The following SCMH1 variants were observed in gnomAD, a reference collection of about 807,000 sequenced individuals.
The protein encoded by SCMH1 is polycomb protein SCMH1.
Under a neutral mutation model 70.8 loss-of-function variants are expected in SCMH1, and 37 were observed. The ratio of observed to expected loss-of-function variants is 0.52; its 90% CI spans 0.40 to 0.69. The LOEUF (loss-of-function observed/expected upper bound fraction) is 0.69. SCMH1 is among the 30% of genes least tolerant of loss of function. The pLI is 0.00. For missense variants in SCMH1, 607 were observed against 827.3 expected (o/e 0.73, Z 3.27); for synonymous variants, 292 against 307.4 (o/e 0.95, Z 0.52).
intron 2 of SCMH1, among the ~76,000 whole-genome samples, chr1:41,163,761 C>A (rs1268858792): frequency 2.0e-5 from 3 of 152,024 alleles, no homozygotes; most frequent in African/African-American, 7.2e-5. Context: ...TTGTTTAAGC[C>A]ACCTAGTCCA....
intron 6 of SCMH1, among the ~76,000 whole-genome samples, chr1:41,123,427 T>C (rs1210433051): frequency 6.6e-6 from 1 of 152,178 alleles, no homozygotes; most frequent in East Asian, 1.9e-4. Context: ...CGTGACTCAC[T>C]TGACTAGGGG....
At chr1:41,034,160 A>G in intron 13 of SCMH1, 112 bp from the exon 14 acceptor site, 4 of 1,415,360 alleles carry the variant, frequency 2.8e-6, no homozygotes, top group Non-Finnish European at 2.8e-6. Flanking sequence ...AAAGCAAGGG[A>G]GCCGAGGCTA....
chr1:41,151,706 A>G (rs372187125), intron 4 of SCMH1, 22 bp from the exon 5 acceptor site: 13 of 1,562,400 alleles, frequency 8.3e-6, no homozygotes, highest in African/African-American at 4.1e-5. Context: ...ATAGAAATCT[A>G]TATCACAGTC....
At chr1:41,092,156 T>C (rs538771269) in intron 8 of SCMH1, among the ~76,000 whole-genome samples, 1 of 152,296 alleles carries the variant, frequency 6.6e-6, no homozygotes, top group Non-Finnish European at 1.5e-5. Flanking sequence ...AACAGCATGG[T>C]AGTGGTACCA....
intron 1 of SCMH1, among the ~76,000 whole-genome samples, chr1:41,239,104 T>C (rs1272820796): frequency 6.8e-6 from 1 of 147,938 alleles, no homozygotes; most frequent in Non-Finnish European, 1.5e-5. Context: ...CTTCCAGTGA[T>C]TAAATAAAAA....
intron 1 of SCMH1, among the ~76,000 whole-genome samples, chr1:41,192,646 G>A (rs1399274002): frequency 6.6e-6 from 1 of 151,984 alleles, no homozygotes; most frequent in African/African-American, 2.4e-5. Context: ...CTGCAGGCCC[G>A]GAGTGTTTAC....
chr1:41,183,989 A>G (rs1649507779), intron 2 of SCMH1, among the ~76,000 whole-genome samples: 1 of 152,210 alleles, frequency 6.6e-6, no homozygotes, highest in Non-Finnish European at 1.5e-5. Context: ...CAGTTCTGCA[A>G]GATGAAAAAA....
At chr1:41,124,258 T>C (rs935695397) in intron 6 of SCMH1, among the ~76,000 whole-genome samples, 2 of 152,118 alleles carry the variant, frequency 1.3e-5, no homozygotes, top group Non-Finnish European at 2.9e-5. Flanking sequence ...CCCCTAAATA[T>C]ATCAGTATAT....
chr1:41,066,737 C>T (rs1320315373), intron 10 of SCMH1, among the ~76,000 whole-genome samples: 2 of 151,886 alleles, frequency 1.3e-5, no homozygotes, highest in Admixed American at 6.6e-5. Flanking sequence ...TGCACATCAG[C>T]GTGCCCAGCT....
intron 8 of SCMH1, among the ~76,000 whole-genome samples, chr1:41,079,876 T>G (rs945436878): frequency 1.3e-5 from 2 of 152,162 alleles, no homozygotes; most frequent in Non-Finnish European, 2.9e-5. Context: ...TCACTGTACT[T>G]TATTTTGGAT....
intron 6 of SCMH1, among the ~76,000 whole-genome samples, chr1:41,136,991 G>A (rs1029334333): frequency 6.6e-6 from 1 of 151,982 alleles, no homozygotes; most frequent in Non-Finnish European, 1.5e-5. Flanking sequence ...TGTTACCCAG[G>A]CTGGTCTTGA....
At chr1:41,196,774 C>T (rs974190093) in intron 1 of SCMH1, among the ~76,000 whole-genome samples, 3 of 152,098 alleles carry the variant, frequency 2.0e-5, no homozygotes, top group Admixed American at 2.0e-4. Context: ...TCCACAGAAT[C>T]GGAGACAATA....
rs1663218187 is a variant in SCMH1 at position 41,240,120 on chromosome 1, A to T, written c.-118+1939T>A. On this transcript the variant is annotated intron_variant, in intron 1 of 14. Coordinates refer to ENST00000337495, the Ensembl canonical transcript of SCMH1. ...TTACATAAAAGGGAACAACATTTGC[A>T]CAAACATACCTAAAATCAAAACTTG... Among the ~76,000 whole-genome samples the T allele has an allele frequency of 2.6e-5, 4 of 152,268 alleles. No homozygotes were observed. In the South Asian group the frequency reaches 8.3e-4, roughly 31 times the overall value.
intron 2 of SCMH1, among the ~76,000 whole-genome samples, chr1:41,174,343 T>C (rs1213494323): frequency 6.7e-6 from 1 of 149,620 alleles, no homozygotes. Context: ...AAAGAGGGAG[T>C]TGTGGTGTTG....
intron 10 of SCMH1, among the ~76,000 whole-genome samples, chr1:41,052,190 C>T (rs1234111090): frequency 1.3e-5 from 2 of 152,176 alleles, no homozygotes; most frequent in African/African-American, 4.8e-5. Context: ...GACAGGGGTC[C>T]CCAACCCCCA....
chr1:41,143,108 T>C (rs1247142911), exon 6 of SCMH1: 9 of 1,613,518 alleles, frequency 5.6e-6, no homozygotes, highest in South Asian at 1.1e-5. Flanking sequence ...TGGAGGTGTG[T>C]AGGACTGGGA....
In SCMH1 at chr1:41,061,216, T is replaced by A. The variant is rs573103311; in HGVS notation, c.1105+9379A>T. Among the ~76,000 whole-genome samples, 46 of 152,300 alleles carry A rather than the reference T, an allele frequency of 3.0e-4. 1 individual carries two copies. In the Middle Eastern group the frequency reaches 0.024, roughly 79 times the overall value. On this transcript the variant is annotated intron_variant, in intron 10 of 14. Coordinates refer to ENST00000337495, the Ensembl canonical transcript of SCMH1. ...AACTAAACTGTCTTTGTAAAGCTAATGAAAGATCACCAGGTTAGGAGGATG... is the reference window on the plus strand; with the variant it reads ...AACTAAACTGTCTTTGTAAAGCTAAAGAAAGATCACCAGGTTAGGAGGATG...
intron 10 of SCMH1, among the ~76,000 whole-genome samples, chr1:41,065,719 G>A (rs1654368061): frequency 6.6e-6 from 1 of 152,068 alleles, no homozygotes; most frequent in Non-Finnish European, 1.5e-5. Context: ...AAAAAATAGA[G>A]AGTCTTTTCA....
intron 13 of SCMH1, among the ~76,000 whole-genome samples, chr1:41,030,002 C>T (rs1442517422): frequency 1.3e-5 from 2 of 152,098 alleles, no homozygotes; most frequent in Admixed American, 6.5e-5. Flanking sequence ...TTGCTTGAGC[C>T]CAGGAGTTCA....
Sources: allele counts gnomAD v4.1 joint callset (sites outside exome capture counted in the v4.1 genomes callset), GRCh38; gene constraint gnomAD v4.1.1; transcripts MANE v1.5; gene names NCBI Gene and HGNC (gene_info 2026-07-23, HGNC 2026-07-21).